The following SLC37A1 variants were observed in gnomAD, a reference collection of about 807,000 sequenced individuals.
SLC37A1 encodes the protein solute carrier family 37 member 1, also known as glucose-6-phosphate exchanger SLC37A1.
A neutral mutation model predicts 75.3 loss-of-function variants in SLC37A1; 49 were observed. The observed-to-expected ratio is 0.65, with a 90% CI of 0.52 to 0.83. The LOEUF (loss-of-function observed/expected upper bound fraction) is 0.83, where lower values mean the gene tolerates loss of function less well. Among genes scored for constraint, SLC37A1 ranks in the 40% least tolerant of loss-of-function variants. SLC37A1 has a pLI of 0.00. For missense variants in SLC37A1, 566 were observed against 695.0 expected (o/e 0.81, Z 2.09); for synonymous variants, 268 against 292.1 (o/e 0.92, Z 0.84).
In SLC37A1 at chr21:42,547,162, C is replaced by T. The variant is rs756659535; in HGVS notation, c.768+22C>T. On this transcript the variant is annotated intron_variant, in intron 9 of 19. Coordinates refer to ENST00000352133, the MANE Select transcript of SLC37A1 (RefSeq NM_001320537.2). This position sits in a 1 kb window ranked among gnomAD's most constrained non-coding sequence, Gnocchi z 6.1. ...GACGGTAAGGACCCTGTTTTCTTGT[C>T]CTTTTCTAGAACAGTGTGCGGTTCT... The T allele has an allele frequency of 1.2e-6, 2 of 1,614,156 alleles. No individual in the cohort carries two copies. The highest frequency in any genetic ancestry group is 2.2e-5 in the East Asian group (1 of 44,890).
chr21:42,563,586 G>A (rs914803179), intron 12 of SLC37A1, among the ~76,000 whole-genome samples: 5 of 152,248 alleles, frequency 3.3e-5, no homozygotes, highest in African/African-American at 1.2e-4. Flanking sequence ...TGAACCAAAG[G>A]TGGGATAATT....
At chr21:42,543,663 G>T in intron 8 of SLC37A1, 61 bp downstream of exon 8, 2 of 1,517,564 alleles carry the variant, frequency 1.3e-6, no homozygotes, top group Non-Finnish European at 1.8e-6. Context: ...CCCTGCCTGG[G>T]TGGGCCTTGG....
At position 42,514,017 on chromosome 21, in the gene SLC37A1, C is replaced by T. The variant is rs1263379503; in HGVS notation, c.-879C>T. On this transcript the variant is annotated 5_prime_UTR_variant, in exon 1 of 20. Transcript: ENST00000352133. This position sits in a 1 kb window ranked among gnomAD's most constrained non-coding sequence, Gnocchi z 4.8. ...GCAGCCGGCGCTCAGGCGCCGCAGCCGCTCAGCACCTGCGGCGCCCTCAGG... is the reference window on the plus strand; with the variant it reads ...GCAGCCGGCGCTCAGGCGCCGCAGCTGCTCAGCACCTGCGGCGCCCTCAGG... The T allele has an allele frequency of 6.7e-6, 1 of 148,662 alleles. No individual in the cohort carries two copies. The highest frequency in any genetic ancestry group is 2.4e-5 in the African/African-American group (1 of 40,838). The allele number at this position is 148,662 out of a possible 1,614,324, so 9.2% of individuals were successfully genotyped here. A position where few individuals can be genotyped will look rare whatever the true frequency, so the allele number is the denominator to read the frequency against.
chr21:42,570,360 T>C (rs924903237), intron 17 of SLC37A1, among the ~76,000 whole-genome samples: 1 of 150,622 alleles, frequency 6.6e-6, no homozygotes, highest in Admixed American at 6.6e-5. Context: ...CTTTGGCTTT[T>C]GCTGTTCACC....
At chr21:42,534,304 A>G (rs1421512522) in intron 3 of SLC37A1, among the ~76,000 whole-genome samples, 1 of 152,180 alleles carries the variant, frequency 6.6e-6, no homozygotes, top group Non-Finnish European at 1.5e-5. Context: ...ACGGGTGTGT[A>G]GCATTCAGTT....
At chr21:42,575,791 A>C in intron 18 of SLC37A1, 1 of 985,384 alleles carries the variant, frequency 1.0e-6, no homozygotes, top group Non-Finnish European at 1.2e-6. Context: ...CAACTTCCCC[A>C]CCACATACAA....
chr21:42,553,381 T>C (rs1450316708), intron 9 of SLC37A1, among the ~76,000 whole-genome samples: 2 of 152,340 alleles, frequency 1.3e-5, no homozygotes, highest in South Asian at 2.1e-4. Flanking sequence ...AACAACAACA[T>C]TTTACCACTG....
intron 18 of SLC37A1, among the ~76,000 whole-genome samples, chr21:42,579,155 C>A (rs559954633): frequency 6.6e-6 from 1 of 152,206 alleles, no homozygotes; most frequent in African/African-American, 2.4e-5. Context: ...CTGGGTCCGG[C>A]GAGGAGCCAA....
In SLC37A1 at chr21:42,527,850, C is replaced by T. The variant is rs193117829; in HGVS notation, c.138+1993C>T. Among the ~76,000 whole-genome samples the T allele has an allele frequency of 5.2e-3, 785 of 152,294 alleles. 7 individuals are homozygous for T. Among genetic ancestry groups the T allele is most frequent in the African/African-American group, 0.016 (673 of 41,566 alleles). On this transcript the variant is annotated intron_variant, in intron 3 of 19. Coordinates refer to ENST00000352133, the MANE Select transcript of SLC37A1 (RefSeq NM_001320537.2). ...CGCTGAATCCTGTGGGTTTCTTTACCTTTCAAGATAGATCAGAACATCACA... is the reference window on the plus strand; with the variant it reads ...CGCTGAATCCTGTGGGTTTCTTTACTTTTCAAGATAGATCAGAACATCACA...
chr21:42,571,738 C>T (rs149804310), intron 17 of SLC37A1, among the ~76,000 whole-genome samples: 25 of 152,220 alleles, frequency 1.6e-4, no homozygotes, highest in Non-Finnish European at 3.4e-4. Flanking sequence ...CACTTTCCAG[C>T]CAAGAAACAA....
rs2055845724 is a variant in SLC37A1, at chr21:42,562,127, A to G, written c.1031A>G (p.Tyr344Cys). ...LCLLFAKLVS[Y>C]TFLFWLPLYI... ...CTGCTGTTTGCCAAGCTGGTCAGCT[A>G]TACTTTCCTCTTCTGGCTGCCCCTG... The change falls in exon 12 of 20, where the codon TAT becomes TGT. Residue 344 changes from tyrosine to cysteine, a missense_variant. By Grantham distance (194) the Tyr-to-Cys change is radical. Coordinates refer to ENST00000352133, the MANE Select transcript of SLC37A1 (RefSeq NM_001320537.2). 3 of 1,614,208 alleles carry G rather than the reference A, an allele frequency of 1.9e-6. No homozygotes were observed. The highest frequency in any genetic ancestry group is 1.1e-5 in the South Asian group (1 of 91,074).
chr21:42,546,103 G>A (rs1481017602), intron 8 of SLC37A1, among the ~76,000 whole-genome samples: 1 of 152,220 alleles, frequency 6.6e-6, no homozygotes, highest in Non-Finnish European at 1.5e-5. Flanking sequence ...GCAGTAACCA[G>A]TTTCATCCAA....
chr21:42,551,144 A>T (rs1237575815), intron 9 of SLC37A1, among the ~76,000 whole-genome samples: 2 of 152,356 alleles, frequency 1.3e-5, no homozygotes, highest in African/African-American at 4.8e-5. Flanking sequence ...AGATGACATG[A>T]TCTTTTATAC....
rs748381931 is a variant in SLC37A1 at position 42,542,417 on chromosome 21, T to C, written c.500T>C (p.Leu167Pro). The C allele has an allele frequency of 1.2e-6, 2 of 1,613,776 alleles. No individual in the cohort carries two copies. The highest frequency in any genetic ancestry group is 1.7e-6 in the Non-Finnish European group (2 of 1,179,904). ...CCTCTCCTGCAGGTCATCAACGGGC[T>C]GGTGCAGACCACCGGCTGGCCCAGC... ...FYVVTQVING[L>P]VQTTGWPSVV... is the part of the protein sequence containing the mutation. Residue 167 changes from leucine to proline, a missense_variant, in exon 7 of 20, where the codon CTG (leucine) becomes CCG (proline). Transcript: ENST00000352133.
chr21:42,543,711 T>C lies in SLC37A1; in HGVS notation c.730+109T>C, dbSNP rs17115066. The C allele has an allele frequency of 7.8e-3, 8,338 of 1,072,444 alleles. 455 individuals carry two copies. In the African/African-American group the frequency reaches 0.12, roughly 15 times the overall value. The allele number at this position is 1,072,444 out of a possible 1,614,324, so 66.4% of individuals were successfully genotyped here. A position where few individuals can be genotyped will look rare whatever the true frequency, so the allele number is the denominator to read the frequency against. Reference sequence around the variant, plus strand: ...GAGCTGCGTGGCCTAGCGCCCTGTTTGCCCGTGGCTGCCTCAGCGCTCTTC... The same window carrying C: ...GAGCTGCGTGGCCTAGCGCCCTGTTCGCCCGTGGCTGCCTCAGCGCTCTTC... On this transcript the variant is annotated intron_variant, in intron 8 of 19. Transcript: ENST00000352133.
In SLC37A1 at chr21:42,542,437, C is replaced by T. The variant is rs762583241; in HGVS notation, c.520C>T (p.Pro174Ser). Residue 174 changes from proline to serine, a missense_variant, in exon 7 of 20, where the codon CCC (proline) becomes TCC (serine). Transcript: ENST00000352133. The stretch of plus-strand genomic sequence containing the variant: ...CGGGCTGGTGCAGACCACCGGCTGG[C>T]CCAGCGTCGTCACCTGCCTCGGCAA... ...INGLVQTTGWPSVVTCLGNWF... is the reference protein window; with the variant it reads ...INGLVQTTGWSSVVTCLGNWF... The T allele has an allele frequency of 5.0e-6, 8 of 1,613,552 alleles. No homozygotes were observed.
rs556795762 is a variant in SLC37A1 at position 42,503,452 on chromosome 21, C to T, written c.-179+1035C>T. 1.3e-4 allele frequency among the ~76,000 whole-genome samples: 20 copies of T among 152,126 alleles called. 2 individuals are homozygous for T. The South Asian group carries it at 3.9e-3, about 30-fold the overall frequency. ...TTTTTTTGTAGAGACAGGGTTTTGC[C>T]ATGTCGCCCAGGCTCAACAACATGT... On this transcript the variant is annotated intron_variant, in intron 2 of 20. Transcript: ENST00000398341.
At chr21:42,544,081 C>T (rs1337842391) in intron 8 of SLC37A1, among the ~76,000 whole-genome samples, 1 of 152,226 alleles carries the variant, frequency 6.6e-6, no homozygotes, top group African/African-American at 2.4e-5. Flanking sequence ...GATTCAATAG[C>T]AAACTCTTTA....
chr21:42,541,118 G>A (rs746313214), intron 6 of SLC37A1, among the ~76,000 whole-genome samples: 1 of 152,128 alleles, frequency 6.6e-6, no homozygotes, highest in Non-Finnish European at 1.5e-5. Context: ...TCAGGCATTC[G>A]ATTCTCATAA....
Sources: gnomAD v4.1 joint callset for allele counts (sites outside exome capture counted in the v4.1 genomes callset) on GRCh38, gnomAD v4.1.1 for gene constraint, Gnocchi (gnomAD v3.1) non-coding constraint, MANE v1.5 for transcripts, NCBI Gene and HGNC (gene_info 2026-07-23, HGNC 2026-07-21) for gene names.